MGMT: variants seen among roughly 807,000 people sequenced by gnomAD.
MGMT encodes the protein O-6-methylguanine-DNA methyltransferase.
A neutral mutation model predicts 15.9 loss-of-function variants in MGMT; 14 were observed. That is an observed-to-expected ratio of 0.88 (90% confidence interval 0.58 to 1.37). The LOEUF (loss-of-function observed/expected upper bound fraction) is 1.37, where lower values mean the gene tolerates loss of function less well. Among genes scored for constraint, MGMT ranks in the 40% most tolerant of loss-of-function variants. The pLI is 0.00. For missense variants in MGMT, 282 were observed against 268.1 expected (o/e 1.05, Z -0.36); for synonymous variants, 130 against 118.2 (o/e 1.10, Z -0.65).
At chr10:129,728,578 A>C (rs767279512) in intron 3 of MGMT, among the ~76,000 whole-genome samples, 1 of 151,978 alleles carries the variant, frequency 6.6e-6, no homozygotes, top group Non-Finnish European at 1.5e-5. Flanking sequence ...GCTGTGTGGC[A>C]TGTGCTGCTC....
chr10:129,537,162 A>C (rs1317612049), intron 2 of MGMT: 1 of 152,094 alleles, frequency 6.6e-6, no homozygotes, highest in Middle Eastern at 3.2e-3. Flanking sequence ...AAGAAAAAAA[A>C]AACACCCACT....
chr10:129,688,374 A>C (rs1847933383), intron 2 of MGMT, among the ~76,000 whole-genome samples: 1 of 152,122 alleles, frequency 6.6e-6, no homozygotes, highest in Non-Finnish European at 1.5e-5. Flanking sequence ...CTTTTTAATG[A>C]TCGCCATTCT....
chr10:129,600,647 C>T (rs559642956), intron 2 of MGMT, among the ~76,000 whole-genome samples: 34 of 152,296 alleles, frequency 2.2e-4, no homozygotes, highest in Non-Finnish European at 4.3e-4. Context: ...TTAAATTAAT[C>T]AAGTGAGGTA....
chr10:129,477,914 T>C (rs547784275), intron 1 of MGMT, among the ~76,000 whole-genome samples: 2 of 152,306 alleles, frequency 1.3e-5, no homozygotes, highest in East Asian at 3.9e-4. Context: ...AAGGCACTGT[T>C]CTCAGGTTTA....
intron 1 of MGMT, among the ~76,000 whole-genome samples, chr10:129,514,433 G>GTGTA (rs1336950549): frequency 2.0e-5 from 3 of 151,946 alleles, no homozygotes; most frequent in Non-Finnish European, 2.9e-5. Context: ...ATCTTTCCCC[G>GTGTA]TGTATATTAG....
rs570393644 is a variant in MGMT, at chr10:129,703,812, C to G, written c.126-4083C>G. ...CTCAGCCCCTTCCTGTCCCATCCCT[C>G]GAACCCTGAAGGAGATGTCAGCTGA... On this transcript the variant is annotated intron_variant, in intron 2 of 4. Transcript: ENST00000651593. Among the ~76,000 whole-genome samples, 6 of 152,186 alleles carry G rather than the reference C, an allele frequency of 3.9e-5. No individual in the cohort carries two copies. In the South Asian group the frequency reaches 1.2e-3, roughly 32 times the overall value.
At chr10:129,759,095 C>A in intron 3 of MGMT, 107 bp from the exon 4 acceptor site, 2 of 1,363,108 alleles carry the variant, frequency 1.5e-6, no homozygotes, top group Non-Finnish European at 2.1e-6. Context: ...GAGTATAATA[C>A]CTCTATTTGT....
Position 129,766,978 on chromosome 10 carries a change from C to A in MGMT, c.605C>A (p.Pro202Gln). 6.2e-7 allele frequency: 1 copy of A among 1,603,032 alleles called. No homozygotes were observed. Among genetic ancestry groups the A allele is most frequent in the South Asian group, 1.1e-5 (1 of 89,654 alleles). The stretch of plus-strand genomic sequence containing the variant: ...GGAGCGGGAGCTACCTCGGGCTCCC[C>A]GCCTGCTGGCCGAAACTGAGTATGT... ...LKGAGATSGS[P>Q]PAGRN The change falls in exon 5 of 5, where the codon CCG (proline) becomes CAG (glutamine). Residue 202 changes from proline to glutamine, a missense_variant. Transcript: ENST00000651593.
At chr10:129,482,452 A>G (rs1422447633) in intron 1 of MGMT, among the ~76,000 whole-genome samples, 1 of 152,112 alleles carries the variant, frequency 6.6e-6, no homozygotes, top group Non-Finnish European at 1.5e-5. Context: ...CAAGCCTTCT[A>G]TATCCTTATT....
intron 2 of MGMT, among the ~76,000 whole-genome samples, chr10:129,706,425 G>GC (rs956750092): frequency 4.6e-5 from 7 of 152,132 alleles, no homozygotes; most frequent in Non-Finnish European, 1.0e-4. Flanking sequence ...CTCAGCGCAC[G>GC]CCCCCCAAGG....
At chr10:129,741,078 A>G (rs1848626488) in intron 3 of MGMT, among the ~76,000 whole-genome samples, 1 of 152,154 alleles carries the variant, frequency 6.6e-6, no homozygotes, top group African/African-American at 2.4e-5. Context: ...GGTACCAAGG[A>G]CCATGGCGGG....
intron 2 of MGMT, among the ~76,000 whole-genome samples, chr10:129,672,812 C>T (rs1281400502): frequency 6.6e-6 from 1 of 152,054 alleles, no homozygotes; most frequent in African/African-American, 2.4e-5. Flanking sequence ...TTATTTCTGC[C>T]ATTTTTGTTC....
chr10:129,564,641 G>GCTTCCTCACCCTCCTCTC (rs1263278250), intron 2 of MGMT, among the ~76,000 whole-genome samples: 1 of 22,600 alleles, frequency 4.4e-5, no homozygotes, highest in African/African-American at 1.2e-4. Flanking sequence ...CCCCTCCTCT[G>GCTTCCTCACCCTCCTCTC]CTTCCTCACC....
chr10:129,610,623 C>T (rs946538385), intron 2 of MGMT, among the ~76,000 whole-genome samples: 2 of 152,234 alleles, frequency 1.3e-5, no homozygotes, highest in African/African-American at 4.8e-5. Flanking sequence ...AGGCTGGCCA[C>T]CTGTTTTGCA....
intron 2 of MGMT, among the ~76,000 whole-genome samples, chr10:129,670,641 T>G (rs1847710651): frequency 6.6e-6 from 1 of 152,170 alleles, no homozygotes; most frequent in Non-Finnish European, 1.5e-5. Context: ...AGATTACAAA[T>G]TACCCAAATT....
At chr10:129,571,608 C>T (rs1846420282) in intron 2 of MGMT, among the ~76,000 whole-genome samples, 1 of 152,132 alleles carries the variant, frequency 6.6e-6, no homozygotes, top group East Asian at 1.9e-4. Context: ...AGAAATTTTG[C>T]AAGCATATTA....
intron 2 of MGMT, among the ~76,000 whole-genome samples, chr10:129,558,706 G>T (rs555902153): frequency 2.6e-5 from 4 of 152,124 alleles, no homozygotes; most frequent in Non-Finnish European, 5.9e-5. Flanking sequence ...CGCCCTGCAC[G>T]GCCGTTGGAG....
intron 2 of MGMT, among the ~76,000 whole-genome samples, chr10:129,541,240 G>T (rs942196570): frequency 3.3e-5 from 5 of 152,264 alleles, no homozygotes; most frequent in African/African-American, 1.2e-4. Flanking sequence ...AAGCACATCA[G>T]TTGGGAAAGT....
intron 2 of MGMT, among the ~76,000 whole-genome samples, chr10:129,673,822 T>C (rs1277915624): frequency 2.0e-5 from 3 of 152,256 alleles, no homozygotes; most frequent in African/African-American, 7.2e-5. Flanking sequence ...TAAATATGAC[T>C]TTTGTTAATA....
Sources: allele counts gnomAD v4.1 joint callset (sites outside exome capture counted in the v4.1 genomes callset), GRCh38; gene constraint gnomAD v4.1.1; transcripts MANE v1.5; gene names NCBI Gene and HGNC (gene_info 2026-07-23, HGNC 2026-07-21).